Variants in SLC9C2 observed in about 807,000 individuals in gnomAD.
SLC9C2 encodes sodium/hydrogen exchanger 11.
A neutral mutation model predicts 140.2 loss-of-function variants in SLC9C2; 75 were observed. The ratio of observed to expected loss-of-function variants is 0.53; its 90% CI spans 0.44 to 0.65. The LOEUF is 0.65. SLC9C2 is among the 30% of genes least tolerant of loss of function. The pLI is 0.00. For missense variants in SLC9C2, 1,074 were observed against 1,331.8 expected (o/e 0.81, Z 3.01); for synonymous variants, 375 against 420.9 (o/e 0.89, Z 1.34).
chr1:173,584,592 A>C (rs1665746028), intron 5 of SLC9C2, among the ~76,000 whole-genome samples: 1 of 151,918 alleles, frequency 6.6e-6, no homozygotes, highest in Non-Finnish European at 1.5e-5. Context: ...CTGCTTTTAA[A>C]ATTTTCTCTT....
rs1277473510 is a variant in SLC9C2, at chr1:173,537,050, A to T, written c.1558-11T>A. 6.3e-7 allele frequency: 1 copy of T among 1,596,816 alleles called. No homozygotes were observed. Among genetic ancestry groups the T allele is most frequent in the South Asian group, 1.1e-5 (1 of 90,522 alleles). On this transcript the variant is annotated splice_polypyrimidine_tract_variant and intron_variant, in intron 13 of 27. Coordinates refer to ENST00000367714, the MANE Select transcript of SLC9C2 (RefSeq NM_178527.4). ...TTTTTCAAAGCTACTCTAAACATAC[A>T]TTAAATGAAGATTACAAAAGATCAA... is the stretch of plus-strand genomic sequence containing the variant.
intron 3 of SLC9C2, 98 bp from the exon 4 acceptor site, chr1:173,598,130 T>G (rs908284449): frequency 1.4e-5 from 18 of 1,313,472 alleles, no homozygotes; most frequent in Non-Finnish European, 1.7e-5. Context: ...TTAGAATCTT[T>G]CAGTTTACAG....
At chr1:173,583,684 G>T in intron 5 of SLC9C2, 62 bp from the exon 6 acceptor site, 1 of 862,002 alleles carries the variant, frequency 1.2e-6, no homozygotes, top group Non-Finnish European at 1.8e-6. Context: ...TCTTGCACAG[G>T]AAGCAGAAAC....
chr1:173,526,641 C>T (rs113016824), intron 19 of SLC9C2, 22 bp downstream of exon 19: 18,146 of 1,571,396 alleles, frequency 0.012, 139 homozygotes, highest in Non-Finnish European at 0.014. Context: ...ACTTTAAGAA[C>T]TCAGATACTT....
chr1:173,601,762 GAAGT>G lies in SLC9C2; in HGVS notation c.11_14del (p.Tyr4SerfsTer41). 6.2e-7 allele frequency: 1 copy of G among 1,613,918 alleles called. No homozygotes were observed. The highest frequency in any genetic ancestry group is 1.7e-5 in the Admixed American group (1 of 59,990). On this transcript the variant is annotated frameshift_variant, in exon 2 of 28. Coordinates refer to ENST00000367714, the MANE Select transcript of SLC9C2 (RefSeq NM_178527.4). LOFTEE classifies it high-confidence loss of function. Reference sequence around the variant, plus strand: ...GTCTGTTACTTTCATTTTGTGCCCAGAAGTAAGAACTCATTTTTGCTGCTGCTTT... The same window carrying G: ...GTCTGTTACTTTCATTTTGTGCCCAGAAGAACTCATTTTTGCTGCTGCTTT...
At chr1:173,547,088 G>T (rs1384638572) in intron 13 of SLC9C2, among the ~76,000 whole-genome samples, 4 of 151,898 alleles carry the variant, frequency 2.6e-5, no homozygotes, top group South Asian at 2.1e-4. Context: ...AACTAAAAAA[G>T]AATTCTGGGC....
chr1:173,557,944 TA>T (rs1192181981), intron 9 of SLC9C2, among the ~76,000 whole-genome samples: 1 of 152,052 alleles, frequency 6.6e-6, no homozygotes. Flanking sequence ...CAATAAATAA[TA>T]AAAAAAGTTT....
chr1:173,528,456 C>G (rs1224021650), intron 18 of SLC9C2, among the ~76,000 whole-genome samples: 1 of 152,128 alleles, frequency 6.6e-6, no homozygotes, highest in African/African-American at 2.4e-5. Context: ...ATGAATAGCT[C>G]TGTGTTCTTT....
At chr1:173,562,433 T>C (rs1456144714) in intron 9 of SLC9C2, among the ~76,000 whole-genome samples, 1 of 152,372 alleles carries the variant, frequency 6.6e-6, no homozygotes, top group East Asian at 1.9e-4. Context: ...TTAAACATTT[T>C]ATACATAGTG....
At chr1:173,586,745 T>C (rs1665871165) in intron 5 of SLC9C2, among the ~76,000 whole-genome samples, 1 of 152,188 alleles carries the variant, frequency 6.6e-6, no homozygotes, top group Non-Finnish European at 1.5e-5. Context: ...TGGCTGAAGC[T>C]TGAAGCCATC....
chr1:173,563,362 A>G (rs1664241806), intron 9 of SLC9C2, among the ~76,000 whole-genome samples: 1 of 151,722 alleles, frequency 6.6e-6, no homozygotes, highest in Non-Finnish European at 1.5e-5. Flanking sequence ...TGTTTTAGCC[A>G]CTCATATTTC....
chr1:173,541,000 T>C (rs986598577), intron 13 of SLC9C2, among the ~76,000 whole-genome samples: 7 of 152,132 alleles, frequency 4.6e-5, no homozygotes, highest in Non-Finnish European at 8.8e-5. Flanking sequence ...AATTCACATA[T>C]AACAATATTA....
intron 17 of SLC9C2, 30 bp downstream of exon 17, chr1:173,533,579 A>G: frequency 2.6e-6 from 4 of 1,529,622 alleles, no homozygotes; most frequent in Non-Finnish European, 3.6e-6. Context: ...CTCCTGGCAA[A>G]TCTTAATATT....
At chr1:173,557,642 A>C in intron 9 of SLC9C2, 134 bp from the exon 10 acceptor site, 1 of 772,846 alleles carries the variant, frequency 1.3e-6, no homozygotes, top group Non-Finnish European at 2.0e-6. Context: ...TTTACTGTTA[A>C]GTCCTTCCAA....
At position 173,601,816 on chromosome 1, in the gene SLC9C2, G is replaced by A; in HGVS notation, c.-40C>T. ...TTCCCCAGACCTAACTTGATGGAGTGGTTTGGTTATTATTGACACTTTCAC... is the reference window on the plus strand; with the variant it reads ...TTCCCCAGACCTAACTTGATGGAGTAGTTTGGTTATTATTGACACTTTCAC... On this transcript the variant is annotated 5_prime_UTR_variant, in exon 2 of 28. Coordinates refer to ENST00000367714, the MANE Select transcript of SLC9C2 (RefSeq NM_178527.4). 6.2e-7 allele frequency: 1 copy of A among 1,610,504 alleles called. No homozygotes were observed. The highest frequency in any genetic ancestry group is 8.5e-7 in the Non-Finnish European group (1 of 1,178,364).
intron 13 of SLC9C2, among the ~76,000 whole-genome samples, chr1:173,546,160 A>G (rs1329865567): frequency 6.6e-6 from 1 of 152,238 alleles, no homozygotes; most frequent in Non-Finnish European, 1.5e-5. Flanking sequence ...ACTGTGGACG[A>G]GAGCCTTTCA....
rs377594856 is a variant in SLC9C2 at position 173,601,632 on chromosome 1, T to C, written c.127+18A>G. 109 of 1,611,742 alleles carry C rather than the reference T, an allele frequency of 6.8e-5. No homozygotes were observed. In the African/African-American group the frequency reaches 1.3e-3, roughly 19 times the overall value. On this transcript the variant is annotated intron_variant, in intron 2 of 27. Transcript: ENST00000367714. ...TCACAGGGCAGAGGAAAGATGAGTT[T>C]CAAAAACAACCACCTACCTCCCAAA...
Position 173,536,989 on chromosome 1 carries a change from G to A in SLC9C2, c.1608C>T (p.Ala536=). 1 of 1,613,600 alleles carries A rather than the reference G, an allele frequency of 6.2e-7. No individual in the cohort carries two copies. The highest frequency in any genetic ancestry group is 8.5e-7 in the Non-Finnish European group (1 of 1,179,812). The change falls in exon 14 of 28, where the codon GCC becomes GCT. Residue 536 remains alanine, a synonymous_variant. Coordinates refer to ENST00000367714, the MANE Select transcript of SLC9C2 (RefSeq NM_178527.4). ...RNNGILEIEA[A]RILIGAAKCY... ...ATTTTGCTGCACCAATTAATATCCG[G>A]GCTGCCTCTATTTCAAGAATTCCAT...
At chr1:173,508,327 A>T (rs1659796602) in intron 24 of SLC9C2, among the ~76,000 whole-genome samples, 1 of 151,692 alleles carries the variant, frequency 6.6e-6, no homozygotes, top group South Asian at 2.1e-4. Flanking sequence ...AATAAATACA[A>T]TTTTTTTAAT....
Sources: gnomAD v4.1 joint callset for allele counts (sites outside exome capture counted in the v4.1 genomes callset) on GRCh38, gnomAD v4.1.1 for gene constraint, MANE v1.5 for transcripts, NCBI Gene and HGNC (gene_info 2026-07-23, HGNC 2026-07-21) for gene names.